Variants in ACBD6 observed in about 807,000 individuals in gnomAD.
The protein encoded by ACBD6 is acyl-CoA-binding domain-containing protein 6.
A neutral mutation model predicts 37.2 loss-of-function variants in ACBD6; 28 were observed. The ratio of observed to expected loss-of-function variants is 0.75; its 90% CI spans 0.56 to 1.03. The LOEUF (loss-of-function observed/expected upper bound fraction) is 1.03, where lower values mean the gene tolerates loss of function less well. ACBD6 is among the 50% of genes least tolerant of loss of function. ACBD6 has a pLI of 0.00. For missense variants in ACBD6, 340 were observed against 337.4 expected (o/e 1.01, Z -0.06); for synonymous variants, 113 against 126.8 (o/e 0.89, Z 0.73).
At chr1:180,438,366 G>A (rs1472129065) in intron 3 of ACBD6, 1 of 152,794 alleles carries the variant, frequency 6.5e-6, no homozygotes, top group African/African-American at 2.4e-5. Flanking sequence ...GTCTTAAATA[G>A]AATAGGCAAA....
chr1:180,307,302 T>C (rs1266612395), intron 7 of ACBD6, among the ~76,000 whole-genome samples: 1 of 151,846 alleles, frequency 6.6e-6, no homozygotes, highest in African/African-American at 2.4e-5. Flanking sequence ...GGGCTAAAAA[T>C]AAAAACAATG....
chr1:180,442,329 A>G (rs1267617104), intron 3 of ACBD6, among the ~76,000 whole-genome samples: 2 of 151,894 alleles, frequency 1.3e-5, no homozygotes, highest in Non-Finnish European at 2.9e-5. Flanking sequence ...GATATTTGGC[A>G]TGTCTGGGGC....
chr1:180,379,683 T>C (rs1571430145), intron 6 of ACBD6, among the ~76,000 whole-genome samples: 1 of 151,820 alleles, frequency 6.6e-6, no homozygotes, highest in African/African-American at 2.4e-5. Flanking sequence ...TGAAGACAGG[T>C]CTTCGCAGAT....
intron 8 of ACBD6, among the ~76,000 whole-genome samples, chr1:180,282,972 G>T (rs377421840): frequency 4.7e-4 from 52 of 109,994 alleles, no homozygotes; most frequent in South Asian, 2.0e-3. Flanking sequence ...ATGTCTTTCT[G>T]TTTTTTTTTT....
At chr1:180,304,906 T>G (rs553905184) in intron 7 of ACBD6, among the ~76,000 whole-genome samples, 1 of 152,174 alleles carries the variant, frequency 6.6e-6, no homozygotes, top group East Asian at 1.9e-4. Flanking sequence ...AAAACAGAGA[T>G]ATAGACCAAT....
intron 3 of ACBD6, chr1:180,434,955 G>C (rs552657153): frequency 1.2e-6 from 1 of 800,096 alleles, no homozygotes; most frequent in South Asian, 1.3e-5. Flanking sequence ...CAAAGTCATG[G>C]GCAGTCTGTA....
At chr1:180,461,385 TCAGGAAATGCAGA>T (rs1320965971) in intron 3 of ACBD6, among the ~76,000 whole-genome samples, 3 of 152,040 alleles carry the variant, frequency 2.0e-5, no homozygotes, top group Non-Finnish European at 2.9e-5. Flanking sequence ...ACACTCAAAT[TCAGGAAATGCAGA>T]CAGGAAATGC....
At chr1:180,323,755 T>C (rs1356382116) in intron 6 of ACBD6, among the ~76,000 whole-genome samples, 1 of 152,106 alleles carries the variant, frequency 6.6e-6, no homozygotes, top group African/African-American at 2.4e-5. Context: ...GGAATATCTT[T>C]TTGCATTCCT....
chr1:180,410,858 G>A (rs10913986), intron 5 of ACBD6, among the ~76,000 whole-genome samples: 73,255 of 152,126 alleles, frequency 0.48, 20,397 homozygotes, highest in South Asian at 0.66. Context: ...CATTCTATAA[G>A]GCTATAGCTG....
At chr1:180,389,002 C>A (rs1653959934) in intron 6 of ACBD6, among the ~76,000 whole-genome samples, 1 of 150,926 alleles carries the variant, frequency 6.6e-6, no homozygotes, top group African/African-American at 2.5e-5. Context: ...AGATTCAATG[C>A]AATTTTTTTT....
chr1:180,356,062 G>A (rs992814044), intron 6 of ACBD6, among the ~76,000 whole-genome samples: 11 of 151,442 alleles, frequency 7.3e-5, no homozygotes, highest in Admixed American at 6.6e-4. Flanking sequence ...TAGTAGAAAC[G>A]GGGTTTCACC....
At chr1:180,421,770 T>C (rs1038560901) in intron 4 of ACBD6, among the ~76,000 whole-genome samples, 19 of 151,998 alleles carry the variant, frequency 1.3e-4, no homozygotes, top group African/African-American at 3.4e-4. Context: ...CGATCAGTGA[T>C]GTTGAGCTTT....
intron 3 of ACBD6, among the ~76,000 whole-genome samples, chr1:180,441,379 C>A (rs1292246538): frequency 6.6e-6 from 1 of 152,088 alleles, no homozygotes; most frequent in Non-Finnish European, 1.5e-5. Context: ...TTTGAAATTG[C>A]AAAGTTTGAA....
At chr1:180,326,879 ACT>A (rs1431567084) in intron 6 of ACBD6, among the ~76,000 whole-genome samples, 2 of 151,930 alleles carry the variant, frequency 1.3e-5, no homozygotes, top group South Asian at 2.1e-4. Context: ...GGGCTTCAAG[ACT>A]CTGCCCAGTG....
intron 1 of ACBD6, among the ~76,000 whole-genome samples, chr1:180,496,858 A>C (rs1224379503): frequency 6.6e-6 from 1 of 152,106 alleles, no homozygotes; most frequent in Non-Finnish European, 1.5e-5. Flanking sequence ...TTTTATCTCA[A>C]ATGGGCCAAA....
chr1:180,410,412 C>T (rs1488173641), intron 5 of ACBD6, among the ~76,000 whole-genome samples: 2 of 152,178 alleles, frequency 1.3e-5, no homozygotes, highest in African/African-American at 4.8e-5. Flanking sequence ...GGAGAGAAGT[C>T]AATACCTGGC....
intron 6 of ACBD6, among the ~76,000 whole-genome samples, chr1:180,355,867 C>T (rs1156450372): frequency 8.0e-6 from 1 of 124,712 alleles, no homozygotes; most frequent in African/African-American, 2.6e-5. Flanking sequence ...TGTCATATTG[C>T]TATAATTTTT....
intron 6 of ACBD6, among the ~76,000 whole-genome samples, chr1:180,325,571 G>A (rs1269325967): frequency 1.4e-5 from 2 of 147,502 alleles, no homozygotes; most frequent in Non-Finnish European, 1.5e-5. Context: ...GGTCCCTGGT[G>A]TCTTATTTAG....
chr1:180,345,797 T>C (rs1489624651), intron 6 of ACBD6, among the ~76,000 whole-genome samples: 1 of 152,208 alleles, frequency 6.6e-6, no homozygotes, highest in Admixed American at 6.5e-5. Flanking sequence ...TATTTAAAAA[T>C]GTTTTAAAAA....
Sources: gnomAD v4.1 joint callset for allele counts (sites outside exome capture counted in the v4.1 genomes callset) on GRCh38, gnomAD v4.1.1 for gene constraint, MANE v1.5 for transcripts, NCBI Gene and HGNC (gene_info 2026-07-23, HGNC 2026-07-21) for gene names.